Variants in SOS2 observed in about 807,000 individuals in gnomAD.
SOS2 encodes SOS Ras/Rho guanine nucleotide exchange factor 2.
A neutral mutation model predicts 148.2 loss-of-function variants in SOS2; 65 were observed. That is an observed-to-expected ratio of 0.44 (90% CI 0.36 to 0.54). The LOEUF is 0.54. Among genes scored for constraint, SOS2 ranks in the 20% least tolerant of loss-of-function variants. The pLI is 0.00. For missense variants in SOS2, 1,341 were observed against 1,590.2 expected (o/e 0.84, Z 2.67); for synonymous variants, 539 against 537.1 (o/e 1.00, Z -0.05).
chr14:50,160,632 C>G (rs1039877137), intron 9 of SOS2, among the ~76,000 whole-genome samples: 1 of 151,922 alleles, frequency 6.6e-6, no homozygotes, highest in Non-Finnish European at 1.5e-5. Context: ...GGCGATCTGC[C>G]CACCTTGGAC....
intron 1 of SOS2, among the ~76,000 whole-genome samples, chr14:50,224,314 T>TACACACACACAC (rs71118856): frequency 1.3e-4 from 13 of 101,034 alleles, no homozygotes; most frequent in East Asian, 1.1e-3. Context: ...AATATATATA[T>TACACACACACAC]ACACACACAC....
chr14:50,130,875 C>T (rs931642190), intron 19 of SOS2, 113 bp from the exon 20 acceptor site: 10 of 831,252 alleles, frequency 1.2e-5, no homozygotes, highest in Admixed American at 6.0e-5. Flanking sequence ...AGTTCTTAAG[C>T]GTGCAGTCCT....
At chr14:50,147,357 A>T (rs940830356) in intron 14 of SOS2, among the ~76,000 whole-genome samples, 11 of 151,914 alleles carry the variant, frequency 7.2e-5, no homozygotes, top group Non-Finnish European at 1.2e-4. Flanking sequence ...AATTTTTTTA[A>T]AAAAATTAGC....
intron 18 of SOS2, among the ~76,000 whole-genome samples, chr14:50,135,087 AAAAAAG>A (rs1688406980): frequency 6.7e-6 from 1 of 149,218 alleles, no homozygotes; most frequent in African/African-American, 2.5e-5. Context: ...AAAAAAAAAA[AAAAAAG>A]AAAGAAAGAA....
intron 21 of SOS2, 76 bp downstream of exon 21, chr14:50,129,884 CA>C: frequency 1.1e-6 from 1 of 901,172 alleles, no homozygotes. Flanking sequence ...TGCCAAAACT[CA>C]AAATACTCAA....
chr14:50,213,414 T>A (rs920637474), intron 1 of SOS2, among the ~76,000 whole-genome samples: 1 of 152,162 alleles, frequency 6.6e-6, no homozygotes, highest in Admixed American at 6.5e-5. Context: ...ATAGCATTTA[T>A]AGGCCGGGTG....
chr14:50,154,746 A>G (rs998878588), intron 12 of SOS2, among the ~76,000 whole-genome samples: 1 of 152,200 alleles, frequency 6.6e-6, no homozygotes, highest in Non-Finnish European at 1.5e-5. Context: ...AGGTAAAACT[A>G]ATCTATGGAG....
intron 1 of SOS2, among the ~76,000 whole-genome samples, chr14:50,213,890 G>GAAA (rs1242909114): frequency 1.2e-5 from 1 of 80,782 alleles, no homozygotes; most frequent in African/African-American, 4.8e-5. Context: ...TCCCTGCCAA[G>GAAA]AAAAAAAAAA....
At chr14:50,130,126 G>T in intron 20 of SOS2, 124 bp from the exon 21 acceptor site, 2 of 640,472 alleles carry the variant, frequency 3.1e-6, no homozygotes, top group Non-Finnish European at 5.3e-6. Flanking sequence ...TGCCATGTTA[G>T]TTTTTTAAAA....
chr14:50,155,803 C>T (rs1490526189), intron 12 of SOS2: 1 of 152,088 alleles, frequency 6.6e-6, no homozygotes, highest in Non-Finnish European at 1.5e-5. Flanking sequence ...ACTCCCACCC[C>T]CTACCCCACC....
At chr14:50,161,015 A>G (rs1308335308) in intron 9 of SOS2, among the ~76,000 whole-genome samples, 3 of 151,514 alleles carry the variant, frequency 2.0e-5, no homozygotes, top group Non-Finnish European at 4.4e-5. Context: ...TGTCTCTTAA[A>G]AAAAAGAAAA....
chr14:50,214,838 C>CTT (rs565287023), intron 1 of SOS2, among the ~76,000 whole-genome samples: 9 of 136,564 alleles, frequency 6.6e-5, no homozygotes, highest in Admixed American at 1.5e-4. Flanking sequence ...TTCTTTCTTT[C>CTT]TTTTTTTTTT....
At chr14:50,231,135 T>C in intron 1 of SOS2, 62 bp downstream of exon 1, 1 of 995,474 alleles carries the variant, frequency 1.0e-6, no homozygotes, top group Non-Finnish European at 1.3e-6. Context: ...GACGACCTGC[T>C]CCCCGTTAGA....
intron 1 of SOS2, among the ~76,000 whole-genome samples, chr14:50,210,972 T>G (rs1343180076): frequency 6.6e-6 from 1 of 152,140 alleles, no homozygotes; most frequent in East Asian, 1.9e-4. Context: ...TCAAAAACTT[T>G]GCCATTAAGT....
intron 19 of SOS2, among the ~76,000 whole-genome samples, chr14:50,131,750 T>TG (rs1328837250): frequency 6.6e-6 from 1 of 152,162 alleles, no homozygotes; most frequent in Non-Finnish European, 1.5e-5. Context: ...ATGGGGACAA[T>TG]GCCCCAAAGA....
intron 13 of SOS2, among the ~76,000 whole-genome samples, chr14:50,151,644 T>C (rs1178011214): frequency 6.6e-6 from 1 of 152,232 alleles, no homozygotes; most frequent in Non-Finnish European, 1.5e-5. Context: ...ACCATTTACT[T>C]AATTTATTCT....
chr14:50,149,240 T>C (rs757666786), intron 14 of SOS2, among the ~76,000 whole-genome samples: 17 of 152,120 alleles, frequency 1.1e-4, no homozygotes, highest in African/African-American at 1.7e-4. Context: ...CTACTCACAA[T>C]AGCTATGATA....
rs1273376869 is a variant in SOS2, at chr14:50,188,678, T to G, written c.533A>C (p.Gln178Pro). The G allele has an allele frequency of 6.3e-7, 1 of 1,598,464 alleles. No individual in the cohort carries two copies. The highest frequency in any genetic ancestry group is 8.5e-7 in the Non-Finnish European group (1 of 1,174,684). Reference protein sequence around the residue: ...ADKVLMDMFDQDDIGLVSLCE... With the variant: ...ADKVLMDMFDPDDIGLVSLCE... ...GAGAGAAACCAAACCTATGTCATCC[T>G]GATCAAACATGTCCATCAAAACCTG... Residue 178 changes from glutamine (Q) to proline (P), a missense_variant, in exon 5 of 23, where the codon CAG becomes CCG. By Grantham distance (76) the Gln-to-Pro change is moderately conservative (BLOSUM62 -1). Around this residue, in one of 4 missense-constraint regions of SOS2, gnomAD observed 574 missense variants for 711.1 expected, o/e 0.81. Coordinates refer to ENST00000216373, the MANE Select transcript of SOS2 (RefSeq NM_006939.4).
intron 1 of SOS2, among the ~76,000 whole-genome samples, chr14:50,216,276 C>A (rs991517328): frequency 3.3e-5 from 5 of 151,346 alleles, no homozygotes; most frequent in Non-Finnish European, 4.4e-5. Context: ...TTGGTATTTT[C>A]AGTAGAGACA....
Sources: allele counts gnomAD v4.1 joint callset (sites outside exome capture counted in the v4.1 genomes callset), GRCh38; gene constraint gnomAD v4.1.1; regional missense constraint gnomAD v4.1.1; transcripts MANE v1.5; gene names NCBI Gene and HGNC (gene_info 2026-07-23, HGNC 2026-07-21).